RUNX2: variants seen among roughly 807,000 people sequenced by gnomAD.
The protein encoded by RUNX2 is runt-related transcription factor 2.
RUNX2 carries 10 observed loss-of-function variants against 51.7 expected under a neutral mutation model. That is an observed-to-expected ratio of 0.19 (90% CI 0.12 to 0.33). The LOEUF (loss-of-function observed/expected upper bound fraction) is 0.33. Among genes scored for constraint, RUNX2 ranks in the 10% least tolerant of loss-of-function variants. RUNX2 has a pLI of 1.00. For missense variants in RUNX2, 562 were observed against 691.3 expected (o/e 0.81, Z 2.10); for synonymous variants, 276 against 273.6 (o/e 1.01, Z -0.09).
At chr6:45,399,833 A>T in intron 2 of RUNX2, among the ~76,000 whole-genome samples, 1 of 148,190 alleles carries the variant, frequency 6.7e-6, no homozygotes, top group Non-Finnish European at 1.5e-5. Flanking sequence ...GAAGGAAGGA[A>T]GGAAGGAAGG....
chr6:45,515,547 A>AG (rs1479130485), intron 7 of RUNX2, among the ~76,000 whole-genome samples: 3 of 152,188 alleles, frequency 2.0e-5, no homozygotes, highest in Non-Finnish European at 2.9e-5. Context: ...ATAAAAATCT[A>AG]AACTTTTAAA....
rs1563100284 is a variant in RUNX2 at position 45,469,446 on chromosome 6, A to G, written c.686-22495A>G. ...CATAAACTTCTAATAGTACAAAATA[A>G]TATCAGAAAAGCACATAGCCTATAG... On this transcript the variant is annotated intron_variant, in intron 5 of 8. Coordinates refer to ENST00000647337, the MANE Select transcript of RUNX2 (RefSeq NM_001024630.4). Among the ~76,000 whole-genome samples the G allele has an allele frequency of 3.3e-5, 5 of 152,258 alleles. No homozygotes were observed. In the East Asian group the frequency reaches 9.6e-4, roughly 29 times the overall value.
In RUNX2 at chr6:45,402,064, T is replaced by G. The variant is rs540616040; in HGVS notation, c.59-20529T>G. On this transcript the variant is annotated intron_variant, in intron 2 of 8. Coordinates refer to ENST00000647337, the MANE Select transcript of RUNX2 (RefSeq NM_001024630.4). ...TTAGATAATTCAAGGAAAGTGTTGG[T>G]TAATTATGCTCTTAGATGCATAATG... is the stretch of plus-strand genomic sequence containing the variant. 6.6e-5 allele frequency among the ~76,000 whole-genome samples: 10 copies of G among 152,370 alleles called. No individual in the cohort carries two copies. In the South Asian group the frequency reaches 1.9e-3, roughly 28 times the overall value.
intron 5 of RUNX2, among the ~76,000 whole-genome samples, chr6:45,471,149 C>T (rs1053620354): frequency 2.4e-4 from 36 of 152,198 alleles, no homozygotes; most frequent in African/African-American, 8.2e-4. Context: ...CATTTTTTCC[C>T]ATTCTTTTTA....
At chr6:45,514,791 G>C (rs950884542) in intron 7 of RUNX2, among the ~76,000 whole-genome samples, 5 of 152,124 alleles carry the variant, frequency 3.3e-5, no homozygotes, top group Non-Finnish European at 5.9e-5. Flanking sequence ...GAGCCTTCTT[G>C]GGGGAGCCTG....
At chr6:45,545,536 C>T (rs914525538) in intron 8 of RUNX2, among the ~76,000 whole-genome samples, 2 of 152,080 alleles carry the variant, frequency 1.3e-5, no homozygotes, top group Admixed American at 6.5e-5. Flanking sequence ...TAATAAACAT[C>T]GTAATATCCA....
intron 4 of RUNX2, among the ~76,000 whole-genome samples, chr6:45,433,243 T>TTTG (rs1042441450): frequency 1.3e-5 from 2 of 152,172 alleles, no homozygotes; most frequent in African/African-American, 4.8e-5. Flanking sequence ...CTAAGGGAGT[T>TTTG]ATCTCTGCAT....
chr6:45,500,816 C>T (rs982080188), intron 6 of RUNX2, among the ~76,000 whole-genome samples: 3 of 152,186 alleles, frequency 2.0e-5, no homozygotes, highest in African/African-American at 4.8e-5. Context: ...CGTGGACCGT[C>T]TGTCTGCTAG....
chr6:45,386,496 T>G (rs531884701), intron 2 of RUNX2, among the ~76,000 whole-genome samples: 48 of 152,334 alleles, frequency 3.2e-4, no homozygotes, highest in African/African-American at 1.1e-3. Flanking sequence ...TTGAGGCCAC[T>G]AAGTGTTGAC....
chr6:45,526,432 A>C lies in RUNX2; in HGVS notation c.1021+14025A>C, dbSNP rs967903606. Among the ~76,000 whole-genome samples, 4 of 152,234 alleles carry C rather than the reference A, an allele frequency of 2.6e-5. No homozygotes were observed. The South Asian group carries it at 8.3e-4, about 32-fold the overall frequency. ...AGAAATGAGAACCTTATAAGCTAAG[A>C]GTTATTAAAACAGACGAATTCTGTT... On this transcript the variant is annotated intron_variant, in intron 7 of 8. Transcript: ENST00000647337.
At chr6:45,401,774 C>T (rs1053575433) in intron 2 of RUNX2, among the ~76,000 whole-genome samples, 4 of 152,216 alleles carry the variant, frequency 2.6e-5, no homozygotes, top group Admixed American at 6.5e-5. Flanking sequence ...CTAATGTAGA[C>T]GTTCAACCTC....
intron 7 of RUNX2, among the ~76,000 whole-genome samples, chr6:45,531,618 T>A: frequency 6.6e-6 from 1 of 151,964 alleles, no homozygotes; most frequent in Non-Finnish European, 1.5e-5. Flanking sequence ...CCAGGCGTGG[T>A]GGTGCGCACC....
At chr6:45,343,526 A>G (rs556019347) in intron 2 of RUNX2, among the ~76,000 whole-genome samples, 21 of 152,082 alleles carry the variant, frequency 1.4e-4, no homozygotes, top group Non-Finnish European at 3.1e-4. Context: ...TACACCCCTC[A>G]GTTTACCCAC....
At chr6:45,523,842 G>C (rs904210143) in intron 7 of RUNX2, among the ~76,000 whole-genome samples, 3 of 151,662 alleles carry the variant, frequency 2.0e-5, no homozygotes, top group African/African-American at 7.3e-5. Flanking sequence ...TGATGCAGGA[G>C]AATCACTTGA....
intron 2 of RUNX2, among the ~76,000 whole-genome samples, chr6:45,340,529 G>T (rs1048974390): frequency 1.3e-5 from 2 of 151,980 alleles, no homozygotes; most frequent in African/African-American, 4.8e-5. Context: ...TTGCCATGTT[G>T]CCCAGGCTGG....
chr6:45,394,141 C>T (rs1797533560), intron 2 of RUNX2, among the ~76,000 whole-genome samples: 1 of 151,884 alleles, frequency 6.6e-6, no homozygotes, highest in Admixed American at 6.6e-5. Flanking sequence ...GTGATCCGCC[C>T]TCCTCGTGAT....
At chr6:45,449,573 A>C (rs115508794) in intron 5 of RUNX2, among the ~76,000 whole-genome samples, 15 of 152,302 alleles carry the variant, frequency 9.8e-5, no homozygotes, top group African/African-American at 3.1e-4. Context: ...AGTCTGTGTA[A>C]GTGTTGGGCC....
chr6:45,527,428 G>T (rs1258298054), intron 7 of RUNX2, among the ~76,000 whole-genome samples: 2 of 152,174 alleles, frequency 1.3e-5, no homozygotes, highest in Non-Finnish European at 2.9e-5. Context: ...TAGGAGGCTT[G>T]GCAGTCACCC....
intron 2 of RUNX2, among the ~76,000 whole-genome samples, chr6:45,330,687 G>A (rs1787292908): frequency 6.6e-6 from 1 of 151,654 alleles, no homozygotes; most frequent in African/African-American, 2.4e-5. Context: ...TCCAAAACTT[G>A]ACAGGATTCT....
Sources: gnomAD v4.1 joint callset for allele counts (sites outside exome capture counted in the v4.1 genomes callset) on GRCh38, gnomAD v4.1.1 for gene constraint, MANE v1.5 for transcripts, NCBI Gene and HGNC (gene_info 2026-07-23, HGNC 2026-07-21) for gene names.